Variants in INPP5D observed in about 807,000 individuals in gnomAD.
INPP5D encodes inositol polyphosphate-5-phosphatase D.
INPP5D carries 33 observed loss-of-function variants against 122.9 expected under a neutral mutation model. The observed-to-expected ratio is 0.27, with a 90% CI of 0.20 to 0.36. The LOEUF (loss-of-function observed/expected upper bound fraction) is 0.36. INPP5D is among the 10% of genes least tolerant of loss of function. The pLI, the probability that INPP5D is intolerant of heterozygous loss-of-function variation, is 1.00. For synonymous variants in INPP5D, 584 were observed against 576.2 expected, an observed-to-expected ratio of 1.01 and a Z score of -0.19; for missense variants, 1,053 against 1,412.7, an observed-to-expected ratio of 0.75 and a Z score of 4.08.
At chr2:233,173,274 A>C (rs928708362) in intron 17 of INPP5D, among the ~76,000 whole-genome samples, 1 of 151,654 alleles carries the variant, frequency 6.6e-6, no homozygotes, top group African/African-American at 2.4e-5. Flanking sequence ...TGAAGCTTGC[A>C]GGCTTGGAAG....
intron 13 of INPP5D, among the ~76,000 whole-genome samples, chr2:233,165,889 G>A (rs1039196266): frequency 6.6e-6 from 1 of 152,072 alleles, no homozygotes; most frequent in Non-Finnish European, 1.5e-5. Context: ...TGCACGTGGG[G>A]TGGTATACAC....
intron 6 of INPP5D, among the ~76,000 whole-genome samples, chr2:233,144,217 G>A (rs1453778670): frequency 6.6e-6 from 1 of 151,358 alleles, no homozygotes; most frequent in Non-Finnish European, 1.5e-5. Context: ...GGGTGGAGGT[G>A]GTGGTAGTGA....
At chr2:233,144,269 G>A (rs1314016601) in intron 6 of INPP5D, among the ~76,000 whole-genome samples, 2 of 150,042 alleles carry the variant, frequency 1.3e-5, no homozygotes, top group Non-Finnish European at 3.0e-5. Flanking sequence ...TATGGTGGGA[G>A]TGGTAGGGGT....
chr2:233,121,551 A>G (rs1190029670), intron 2 of INPP5D, among the ~76,000 whole-genome samples: 4 of 94,154 alleles, frequency 4.2e-5, no homozygotes, highest in African/African-American at 1.7e-4. Context: ...TTCGAGACTG[A>G]GTTGCCCAGG....
chr2:233,068,468 G>A (rs1691287594), intron 1 of INPP5D, among the ~76,000 whole-genome samples: 1 of 151,848 alleles, frequency 6.6e-6, no homozygotes, highest in Non-Finnish European at 1.5e-5. Context: ...GGTGGCGGGT[G>A]CCTGTAATCC....
intron 1 of INPP5D, among the ~76,000 whole-genome samples, chr2:233,073,636 A>T (rs1462754060): frequency 1.8e-4 from 23 of 128,098 alleles, no homozygotes; most frequent in African/African-American, 7.4e-4. Flanking sequence ...GCGAAACTCA[A>T]TCTCAAAAAA....
chr2:233,117,496 C>G (rs553567205), intron 2 of INPP5D, among the ~76,000 whole-genome samples: 1 of 152,216 alleles, frequency 6.6e-6, no homozygotes, highest in African/African-American at 2.4e-5. Flanking sequence ...CTGCCCTGCT[C>G]GCATCCTGTA....
Position 233,078,469 on chromosome 2 carries a change from G to A in INPP5D, c.135-866G>A, listed in dbSNP as rs73094980. Among the ~76,000 whole-genome samples the A allele has an allele frequency of 0.017, 2,525 of 152,238 alleles. 83 individuals carry two copies. The highest frequency in any genetic ancestry group is 0.057 in the African/African-American group (2,350 of 41,514). ...CGGCAAGGCTGGTGGCCAACCCCTG[G>A]GAGATAATCCACGGGGCATAGTGTC... On this transcript the variant is annotated intron_variant, in intron 1 of 26. Coordinates refer to ENST00000445964, the MANE Select transcript of INPP5D (RefSeq NM_001017915.3). The surrounding 1 kb of genome is among the most constrained non-coding windows in gnomAD (Gnocchi z 4.6).
chr2:233,189,971 G>A lies in INPP5D; in HGVS notation c.2446+34G>A. 1 of 1,607,510 alleles carries A rather than the reference G, an allele frequency of 6.2e-7. No individual in the cohort carries two copies. Among genetic ancestry groups the A allele is most frequent in the Non-Finnish European group, 8.5e-7 (1 of 1,177,132 alleles). On this transcript the variant is annotated intron_variant, in intron 22 of 26. Transcript: ENST00000445964. This position sits in a 1 kb window ranked among gnomAD's most constrained non-coding sequence, Gnocchi z 5.6. ...CTGTGGGCAGGTGCCACACCTGCCT[G>A]TGAACTGGCGGCCTCTGACGTAGCA...
chr2:233,086,927 C>T (rs1474395219), intron 2 of INPP5D, among the ~76,000 whole-genome samples: 5 of 152,182 alleles, frequency 3.3e-5, no homozygotes, highest in Non-Finnish European at 7.3e-5. Context: ...CTGCTCCAGC[C>T]CTGTCCCAGA....
In INPP5D at chr2:233,189,731, A is replaced by C; in HGVS notation, c.2359-119A>C. ...ACCTGCTCTCTTGGGTATGGACAGCAGAGATTTAGATCTGATTACTAAGAA... is the reference window on the plus strand; with the variant it reads ...ACCTGCTCTCTTGGGTATGGACAGCCGAGATTTAGATCTGATTACTAAGAA... On this transcript the variant is annotated intron_variant, in intron 21 of 26. Transcript: ENST00000445964. The surrounding 1 kb of genome is among the most constrained non-coding windows in gnomAD (Gnocchi z 5.6). The C allele has an allele frequency of 2.8e-6, 4 of 1,435,116 alleles. No homozygotes were observed. Among genetic ancestry groups the C allele is most frequent in the Non-Finnish European group, 2.8e-6 (3 of 1,071,646 alleles). The allele number at this position is 1,435,116 out of a possible 1,614,324, so 88.9% of individuals were successfully genotyped here. A position where few individuals can be genotyped will look rare whatever the true frequency, so the allele number is the denominator to read the frequency against.
chr2:233,065,197 T>A (rs4075305), intron 1 of INPP5D, among the ~76,000 whole-genome samples: 6,299 of 152,168 alleles, frequency 0.041, 401 homozygotes, highest in African/African-American at 0.13. Flanking sequence ...TCAGCCCCCG[T>A]GAAAAGTCCT....
rs1692741358 is a variant in INPP5D at position 233,114,887 on chromosome 2, G to C, written c.199-7220G>C. ...TTGTTTCCACTTTTTTTTTTTTTTA[G>C]ACAGAGTTTCGCTCTTGTCACCCAG... On this transcript the variant is annotated intron_variant, in intron 2 of 26. Transcript: ENST00000445964. 8.1e-5 allele frequency among the ~76,000 whole-genome samples: 12 copies of C among 147,828 alleles called. No individual in the cohort carries two copies. In the South Asian group the frequency reaches 2.6e-3, roughly 32 times the overall value.
At position 233,105,617 on chromosome 2, in the gene INPP5D, G is replaced by A. The variant is rs1692445797; in HGVS notation, c.199-16490G>A. 6.6e-6 allele frequency among the ~76,000 whole-genome samples: 1 copy of A among 152,206 alleles called. No homozygotes were observed. Among genetic ancestry groups the A allele is most frequent in the African/African-American group, 2.4e-5 (1 of 41,446 alleles). The stretch of plus-strand genomic sequence containing the variant: ...CGGGGGCTGAGCCGGGGGGAAGAGA[G>A]CCAGAGGGGAAGGGAAGGGTAAGAG... On this transcript the variant is annotated intron_variant, in intron 2 of 26. Transcript: ENST00000445964. This position sits in a 1 kb window ranked among gnomAD's most constrained non-coding sequence, Gnocchi z 4.0.
chr2:233,118,238 C>G (rs907696406), intron 2 of INPP5D, among the ~76,000 whole-genome samples: 1 of 152,176 alleles, frequency 6.6e-6, no homozygotes, highest in African/African-American at 2.4e-5. Context: ...GACTCCTCCC[C>G]CTACCGGCCA....
chr2:233,096,222 T>G (rs549607648), intron 2 of INPP5D, among the ~76,000 whole-genome samples: 19 of 152,358 alleles, frequency 1.2e-4, no homozygotes, highest in African/African-American at 4.6e-4. Context: ...CCGAGTGACC[T>G]TCTCACCCAG....
rs1000498019 is a variant in INPP5D, at chr2:233,206,543, T to A, written c.3568-163T>A. ...CCCCATTTCTAAAAAACAATTTTTT[T>A]AAATAAGCAGGTAAAGTACTTAGAG... is the stretch of plus-strand genomic sequence containing the variant. On this transcript the variant is annotated intron_variant, in intron 26 of 26. Coordinates refer to ENST00000445964, the MANE Select transcript of INPP5D (RefSeq NM_001017915.3). The surrounding 1 kb of genome is among the most constrained non-coding windows in gnomAD (Gnocchi z 4.0). Among the ~76,000 whole-genome samples the A allele has an allele frequency of 6.6e-6, 1 of 152,122 alleles. No individual in the cohort carries two copies. The highest frequency in any genetic ancestry group is 2.4e-5 in the African/African-American group (1 of 41,402).
At chr2:233,061,106 G>T (rs1381178960) in intron 1 of INPP5D, among the ~76,000 whole-genome samples, 2 of 152,192 alleles carry the variant, frequency 1.3e-5, no homozygotes, top group Admixed American at 1.3e-4. Context: ...AATCAAGAAA[G>T]GACTTTCCAT....
At chr2:233,098,008 C>A (rs771667497) in intron 2 of INPP5D, among the ~76,000 whole-genome samples, 1 of 152,038 alleles carries the variant, frequency 6.6e-6, no homozygotes, top group Non-Finnish European at 1.5e-5. Flanking sequence ...ACCTCAGCCT[C>A]CTGAGTAGCT....
Sources: gnomAD v4.1 joint callset for allele counts (sites outside exome capture counted in the v4.1 genomes callset) on GRCh38, gnomAD v4.1.1 for gene constraint, Gnocchi (gnomAD v3.1) non-coding constraint, MANE v1.5 for transcripts, NCBI Gene and HGNC (gene_info 2026-07-23, HGNC 2026-07-21) for gene names.